PAPOLA: variants seen among roughly 807,000 people sequenced by gnomAD.
PAPOLA encodes poly(A) polymerase alpha, also known as polynucleotide adenylyltransferase alpha.
In PAPOLA, 15 loss-of-function variants were observed where a neutral mutation model predicts 100.6. The ratio of observed to expected loss-of-function variants is 0.15; its 90% CI spans 0.10 to 0.23. The LOEUF (loss-of-function observed/expected upper bound fraction) is 0.23. Ranked by LOEUF, PAPOLA falls within the 10% of genes least tolerant of loss-of-function variation. The pLI, the probability that PAPOLA is intolerant of heterozygous loss-of-function variation, is 1.00. For missense variants in PAPOLA, 533 were observed against 884.2 expected (o/e 0.60, Z 5.04); for synonymous variants, 293 against 300.0 (o/e 0.98, Z 0.24).
intron 9 of PAPOLA, chr14:96,532,957 T>C: frequency 9.5e-7 from 1 of 1,057,196 alleles, no homozygotes; most frequent in Non-Finnish European, 1.1e-6. Context: ...TTACTATACT[T>C]TTGGATAAAA....
At chr14:96,531,641 G>T in intron 7 of PAPOLA, 55 bp downstream of exon 7, 1 of 1,554,550 alleles carries the variant, frequency 6.4e-7, no homozygotes, top group Non-Finnish European at 8.7e-7. Flanking sequence ...GATATTAGTT[G>T]TTTTTACACA....
At chr14:96,514,752 T>A (rs1203479446) in intron 1 of PAPOLA, among the ~76,000 whole-genome samples, 4 of 152,232 alleles carry the variant, frequency 2.6e-5, no homozygotes, top group Admixed American at 2.6e-4. Context: ...TTTAGTGTTA[T>A]GTGTTGTAGT....
At chr14:96,532,276 GT>G in intron 7 of PAPOLA, 54 bp from the exon 8 acceptor site, 1 of 1,484,578 alleles carries the variant, frequency 6.7e-7, no homozygotes, top group Non-Finnish European at 8.9e-7. Context: ...TTTTTGTTTT[GT>G]TTTGTTTTGT....
chr14:96,544,791 C>T (rs949576933), intron 15 of PAPOLA, among the ~76,000 whole-genome samples: 9 of 151,966 alleles, frequency 5.9e-5, no homozygotes, highest in Non-Finnish European at 1.2e-4. Context: ...TCATCTTGAA[C>T]CTGAGAAATT....
chr14:96,534,437 G>T (rs967481922), intron 9 of PAPOLA, 54 bp from the exon 10 acceptor site: 1 of 1,595,770 alleles, frequency 6.3e-7, no homozygotes, highest in Admixed American at 1.8e-5. Context: ...AACAAAATAC[G>T]TTTAGATGGT....
chr14:96,546,763 CTT>C (rs1407907271), intron 15 of PAPOLA, among the ~76,000 whole-genome samples: 1 of 152,096 alleles, frequency 6.6e-6, no homozygotes, highest in Non-Finnish European at 1.5e-5. Flanking sequence ...CTTAGAAAAA[CTT>C]GTGTGTTGAG....
At chr14:96,529,038 T>C (rs1595523709) in intron 6 of PAPOLA, among the ~76,000 whole-genome samples, 1 of 152,328 alleles carries the variant, frequency 6.6e-6, no homozygotes. Flanking sequence ...TTGTAAACTT[T>C]ACAGGATCAA....
chr14:96,513,549 A>G (rs537902583), intron 1 of PAPOLA, among the ~76,000 whole-genome samples: 2 of 152,302 alleles, frequency 1.3e-5, no homozygotes, highest in African/African-American at 2.4e-5. Flanking sequence ...TTTAATTTTG[A>G]TAAATATCAT....
At chr14:96,522,596 C>T (rs1397188253) in intron 3 of PAPOLA, among the ~76,000 whole-genome samples, 5 of 152,054 alleles carry the variant, frequency 3.3e-5, no homozygotes, top group Admixed American at 3.3e-4. Flanking sequence ...GTAGCGATGG[C>T]TTTTCACCAT....
intron 4 of PAPOLA, 180 bp from the exon 5 acceptor site, chr14:96,527,250 C>A: frequency 1.8e-6 from 1 of 571,096 alleles, no homozygotes; most frequent in East Asian, 2.9e-5. Context: ...CAAAATATAC[C>A]ACATCAATTA....
chr14:96,538,509 A>G (rs529802684), intron 12 of PAPOLA, among the ~76,000 whole-genome samples: 4 of 152,170 alleles, frequency 2.6e-5, no homozygotes, highest in South Asian at 2.1e-4. Context: ...GTTAAAAGAT[A>G]TATTACTAAT....
At chr14:96,519,250 A>G (rs1051611247) in intron 1 of PAPOLA, among the ~76,000 whole-genome samples, 5 of 152,136 alleles carry the variant, frequency 3.3e-5, no homozygotes, top group African/African-American at 9.7e-5. Context: ...TTCTTAAGGA[A>G]TGGAATTTGG....
At chr14:96,552,344 A>G (rs1900909757) in intron 16 of PAPOLA, 136 bp from the exon 17 acceptor site, 4 of 760,142 alleles carry the variant, frequency 5.3e-6, no homozygotes, top group South Asian at 1.8e-5. Flanking sequence ...TAGAGTCAGC[A>G]TGGCACATCT....
At chr14:96,529,063 T>C (rs1898758917) in intron 6 of PAPOLA, among the ~76,000 whole-genome samples, 1 of 152,218 alleles carries the variant, frequency 6.6e-6, no homozygotes, top group South Asian at 2.1e-4. Context: ...GAAAGTTAGA[T>C]GGCTACTTAA....
intron 19 of PAPOLA, 43 bp from the exon 20 acceptor site, chr14:96,560,606 A>C (rs1566868918): frequency 3.7e-6 from 5 of 1,341,866 alleles, no homozygotes; most frequent in Non-Finnish European, 5.3e-6. Context: ...AAATAATCTA[A>C]ATTTTTCATT....
chr14:96,533,638 T>G (rs1367486516), intron 9 of PAPOLA: 1 of 547,534 alleles, frequency 1.8e-6, no homozygotes, highest in African/African-American at 2.1e-5. Context: ...CACTGCAAGC[T>G]CTGCCTCCTG....
intron 1 of PAPOLA, among the ~76,000 whole-genome samples, chr14:96,513,693 T>G (rs1184618954): frequency 1.3e-5 from 2 of 152,230 alleles, no homozygotes; most frequent in Non-Finnish European, 2.9e-5. Flanking sequence ...TGTTTTTCAT[T>G]AATCAGGTTG....
Position 96,532,815 on chromosome 14 carries a change from TA to T in PAPOLA, c.836+167del, listed in dbSNP as rs200560683. 1.1e-5 allele frequency: 15 copies of T among 1,340,120 alleles called. No individual in the cohort carries two copies. In the East Asian group the frequency reaches 1.1e-4, roughly 10 times the overall value. 83.0% of individuals were successfully genotyped at this position (1,340,120 alleles called of 1,614,324 possible). A position where few individuals can be genotyped will look rare whatever the true frequency, so the allele number is the denominator to read the frequency against. On this transcript the variant is annotated intron_variant, in intron 9 of 21. Transcript: ENST00000216277. ...TGTGTATAAAATGGCAAACTGAAAC[TA>T]TTTTTTTTCCCTAGTTTGGCCAGGA...
intron 21 of PAPOLA, among the ~76,000 whole-genome samples, chr14:96,563,798 A>G (rs1224182371): frequency 1.3e-5 from 2 of 152,148 alleles, no homozygotes; most frequent in Non-Finnish European, 2.9e-5. Flanking sequence ...AGTAACTAAC[A>G]TCAGGAAGTA....
Sources: allele counts gnomAD v4.1 joint callset (sites outside exome capture counted in the v4.1 genomes callset), GRCh38; gene constraint gnomAD v4.1.1; transcripts MANE v1.5; gene names NCBI Gene and HGNC (gene_info 2026-07-23, HGNC 2026-07-21).